The following IFITM10 variants were observed in gnomAD, a reference collection of about 807,000 sequenced individuals.
The protein encoded by IFITM10 is interferon induced transmembrane protein 10, also known as interferon-induced transmembrane protein 10.
A neutral mutation model predicts 19.0 loss-of-function variants in IFITM10; 17 were observed. That is an observed-to-expected ratio of 0.90 (90% CI 0.61 to 1.34). IFITM10 has a LOEUF of 1.34. IFITM10 is among the 40% of genes most tolerant of loss of function. The pLI, the probability that IFITM10 is intolerant of heterozygous loss-of-function variation, is 0.00. For missense variants in IFITM10, 306 were observed against 319.8 expected, an observed-to-expected ratio of 0.96 and a Z score of 0.33; for synonymous variants, 148 against 147.2, an observed-to-expected ratio of 1.01 and a Z score of -0.04.
At position 1,747,817 on chromosome 11, in the gene IFITM10, G is replaced by C. The variant is rs1209604231; in HGVS notation, c.387C>G (p.Ala129=). ...TGGGGTTGGTCATCGTCTTCTTCTCGGCTAGGTGCTTGCAGGCAGGGGGCG... is the reference window on the plus strand; with the variant it reads ...TGGGGTTGGTCATCGTCTTCTTCTCCGCTAGGTGCTTGCAGGCAGGGGGCG... The part of the protein sequence containing the change: ...AGAPPACKHL[A]EKKTMTNPTT... The change falls in exon 2 of 3, where the codon GCC becomes GCG. Residue 129 remains alanine, a synonymous_variant. Coordinates refer to ENST00000340134, the MANE Select transcript of IFITM10 (RefSeq NM_001170820.4). 2 of 1,549,780 alleles carry C rather than the reference G, an allele frequency of 1.3e-6. No individual in the cohort carries two copies. Among genetic ancestry groups the C allele is most frequent in the African/African-American group, 1.4e-5 (1 of 73,136 alleles).
intron 2 of IFITM10, chr11:1,744,504 G>A (rs934970592): frequency 1.3e-5 from 2 of 152,980 alleles, no homozygotes; most frequent in Non-Finnish European, 2.9e-5. Context: ...TCAGGAGACA[G>A]TGTGTGGAGG....
intron 1 of IFITM10, among the ~76,000 whole-genome samples, chr11:1,750,104 G>A (rs955240312): frequency 3.9e-5 from 6 of 151,970 alleles, no homozygotes; most frequent in African/African-American, 1.5e-4. Context: ...CAGCCCTTCT[G>A]AGCCTGGTCC....
chr11:1,735,082 G>C lies in IFITM10; in HGVS notation c.*198C>G. The C allele has an allele frequency of 1.7e-6, 1 of 589,180 alleles. No individual in the cohort carries two copies. Among genetic ancestry groups the C allele is most frequent in the Non-Finnish European group, 3.0e-6 (1 of 336,332 alleles). 36.5% of individuals were successfully genotyped at this position (589,180 alleles called of 1,614,324 possible). The stretch of plus-strand genomic sequence containing the variant: ...AGGGTGGAGGCCAGGAGGCGGAGGG[G>C]GTGGACTGAGGGCCAAGCTCACTGC... On this transcript the variant is annotated 3_prime_UTR_variant, in exon 3 of 3. Transcript: ENST00000340134.
intron 2 of IFITM10, chr11:1,746,559 A>G: frequency 2.5e-6 from 1 of 398,626 alleles, no homozygotes; most frequent in East Asian, 3.6e-5. Context: ...CCAGTGGGCA[A>G]CGCCGGGGTT....
Position 1,741,342 on chromosome 11 carries a change from T to C in IFITM10, c.538-5913A>G, listed in dbSNP as rs540072312. 7.3e-5 allele frequency among the ~76,000 whole-genome samples: 11 copies of C among 150,650 alleles called. No homozygotes were observed. The South Asian group carries it at 2.3e-3, about 32-fold the overall frequency. ...GGCAAAGGGGCACCAGGGTGCTAGGTGGCGGAATGGGCTGAAAAGTACAAG... is the reference window on the plus strand; with the variant it reads ...GGCAAAGGGGCACCAGGGTGCTAGGCGGCGGAATGGGCTGAAAAGTACAAG... On this transcript the variant is annotated intron_variant, in intron 2 of 2. Coordinates refer to ENST00000340134, the MANE Select transcript of IFITM10 (RefSeq NM_001170820.4).
At chr11:1,738,631 G>A (rs895015419) in intron 2 of IFITM10, among the ~76,000 whole-genome samples, 5 of 152,180 alleles carry the variant, frequency 3.3e-5, no homozygotes, top group South Asian at 2.1e-4. Flanking sequence ...GTGAATACAC[G>A]AGAATGTGTG....
chr11:1,745,521 CAT>C (rs1352660786), intron 2 of IFITM10: 1 of 152,692 alleles, frequency 6.5e-6, no homozygotes, highest in Non-Finnish European at 1.5e-5. Flanking sequence ...ACCACACACA[CAT>C]GCTCTCACAC....
At chr11:1,745,355 A>T (rs956501972) in intron 2 of IFITM10, 1 of 152,264 alleles carries the variant, frequency 6.6e-6, no homozygotes, top group South Asian at 2.1e-4. Flanking sequence ...GCAGAGCTCC[A>T]CCAGCTGCAG....
Position 1,750,341 on chromosome 11 carries a change from T to G in IFITM10, c.84+18A>C. On this transcript the variant is annotated intron_variant, in intron 1 of 2. Coordinates refer to ENST00000340134, the MANE Select transcript of IFITM10 (RefSeq NM_001170820.4). ...ACTTCACCACGCAGGTTCCCTGAGC[T>G]GGGTCCTCTTCACCAACCTCCAGCT... The G allele has an allele frequency of 6.4e-7, 1 of 1,550,462 alleles. No homozygotes were observed. The highest frequency in any genetic ancestry group is 8.7e-7 in the Non-Finnish European group (1 of 1,146,974).
chr11:1,735,797 TTAAAA>T (rs1851080961), intron 2 of IFITM10, among the ~76,000 whole-genome samples: 3 of 152,228 alleles, frequency 2.0e-5, no homozygotes, highest in Non-Finnish European at 1.5e-5. Context: ...TTTTAAATGA[TTAAAA>T]TAAAAGAAGT....
chr11:1,749,897 C>A (rs756079737), intron 1 of IFITM10, among the ~76,000 whole-genome samples: 2 of 152,146 alleles, frequency 1.3e-5, no homozygotes, highest in Admixed American at 1.3e-4. Context: ...CCAGCCGGGG[C>A]CCCACTCCAG....
At position 1,747,808 on chromosome 11, in the gene IFITM10, C is replaced by T; in HGVS notation, c.396G>A (p.Lys132=). ...PPACKHLAEK[K]TMTNPTTVIE... is the part of the protein sequence containing the mutation. ...TGACGGTCGTGGGGTTGGTCATCGT[C>T]TTCTTCTCGGCTAGGTGCTTGCAGG... Residue 132 remains lysine, a synonymous_variant, in exon 2 of 3, where the codon AAG becomes AAA. Coordinates refer to ENST00000340134, the MANE Select transcript of IFITM10 (RefSeq NM_001170820.4). 6.5e-7 allele frequency: 1 copy of T among 1,550,346 alleles called. No homozygotes were observed. Among genetic ancestry groups the T allele is most frequent in the Non-Finnish European group, 8.7e-7 (1 of 1,145,892 alleles).
At chr11:1,735,784 A>G (rs1221940041) in intron 2 of IFITM10, among the ~76,000 whole-genome samples, 1 of 152,214 alleles carries the variant, frequency 6.6e-6, no homozygotes, top group Non-Finnish European at 1.5e-5. Flanking sequence ...TTCTTTTTGC[A>G]AGTTTTAAAT....
At chr11:1,746,857 G>A (rs1252440486) in intron 2 of IFITM10, 4 of 398,328 alleles carry the variant, frequency 1.0e-5, no homozygotes, top group Non-Finnish European at 1.8e-5. Context: ...CCGGTGCGTC[G>A]GGGTGGGGAG....
chr11:1,750,284 T>G, intron 1 of IFITM10, 75 bp downstream of exon 1: 1 of 1,549,486 alleles, frequency 6.5e-7, no homozygotes, highest in East Asian at 2.4e-5. Flanking sequence ...TGGAGAAAAC[T>G]CCAGCCTTCC....
chr11:1,739,654 G>A (rs553666015), intron 2 of IFITM10, among the ~76,000 whole-genome samples: 51 of 152,180 alleles, frequency 3.4e-4, no homozygotes, highest in African/African-American at 1.1e-3. Flanking sequence ...AGGCTCAGGG[G>A]AACAGAGAGT....
chr11:1,740,662 T>G (rs1421734887), intron 2 of IFITM10, among the ~76,000 whole-genome samples: 3 of 152,166 alleles, frequency 2.0e-5, no homozygotes, highest in Admixed American at 6.5e-5. Flanking sequence ...GCAATTTGTG[T>G]GAGTCTGGAG....
rs1469674560 is a variant in IFITM10 at position 1,732,865 on chromosome 11, T to C, written c.*2415A>G. 1 of 152,190 alleles carries C rather than the reference T, an allele frequency of 6.6e-6. No homozygotes were observed. Among genetic ancestry groups the C allele is most frequent in the African/African-American group, 2.4e-5 (1 of 41,418 alleles). 9.4% of individuals were successfully genotyped at this position (152,190 alleles called of 1,614,324 possible). ...GGGAAAAGCTGGCTGAGGGCTTCCC[T>C]AATGCAGGGGTGTTTCCTCCTGGCC... On this transcript the variant is annotated 3_prime_UTR_variant, in exon 3 of 3. Coordinates refer to ENST00000340134, the MANE Select transcript of IFITM10 (RefSeq NM_001170820.4).
rs1366330668 is a variant in IFITM10, at chr11:1,748,040, G to A, written c.164C>T (p.Pro55Leu). The A allele has an allele frequency of 1.4e-6, 2 of 1,424,852 alleles. No individual in the cohort carries two copies. The highest frequency in any genetic ancestry group is 6.1e-5 in the Admixed American group (2 of 32,970). The allele number at this position is 1,424,852 out of a possible 1,614,324, so 88.3% of individuals were successfully genotyped here. A position where few individuals can be genotyped will look rare whatever the true frequency, so the allele number is the denominator to read the frequency against. Residue 55 changes from proline to leucine, a missense_variant, in exon 2 of 3, where the codon CCC (proline) becomes CTC (leucine). Physicochemically the swap from Pro to Leu is moderately conservative, Grantham distance 98. Coordinates refer to ENST00000340134, the MANE Select transcript of IFITM10 (RefSeq NM_001170820.4). ...CGGAATCCAGAAGGCCCCGTCCAGG[G>A]GGACTCGGGCTTCCTGGGCGCCGTC... ...TTDGAQEARV[P>L]LDGAFWIPRP...
Sources: allele counts gnomAD v4.1 joint callset (sites outside exome capture counted in the v4.1 genomes callset), GRCh38; gene constraint gnomAD v4.1.1; transcripts MANE v1.5; gene names NCBI Gene and HGNC (gene_info 2026-07-23, HGNC 2026-07-21).